The following RORA variants were observed in gnomAD, a reference collection of about 807,000 sequenced individuals.
RORA encodes nuclear receptor ROR-alpha.
In RORA, 7 loss-of-function variants were observed where a neutral mutation model predicts 69.5. The ratio of observed to expected loss-of-function variants is 0.10; its 90% CI spans 0.06 to 0.19. The LOEUF is 0.19. Among genes scored for constraint, RORA ranks in the 10% least tolerant of loss-of-function variants. The pLI, the probability that RORA is intolerant of heterozygous loss-of-function variation, is 1.00. For synonymous variants in RORA, 261 were observed against 240.8 expected, an observed-to-expected ratio of 1.08 and a Z score of -0.78; for missense variants, 457 against 663.0, an observed-to-expected ratio of 0.69 and a Z score of 3.41.
chr15:60,607,745 C>T (rs1180729779), intron 2 of RORA, among the ~76,000 whole-genome samples: 3 of 152,114 alleles, frequency 2.0e-5, no homozygotes, highest in Admixed American at 2.0e-4. Flanking sequence ...TTTATTTATA[C>T]ATCATTCTGT....
intron 1 of RORA, among the ~76,000 whole-genome samples, chr15:60,943,583 G>T (rs1267115714): frequency 3.4e-5 from 3 of 87,910 alleles, no homozygotes; most frequent in Non-Finnish European, 6.2e-5. Context: ...ATTCTCCAAG[G>T]ATGACATCTT....
chr15:61,193,170 C>T lies in RORA; in HGVS notation c.166+35883G>A, dbSNP rs571725571. 4.5e-4 allele frequency among the ~76,000 whole-genome samples: 68 copies of T among 152,298 alleles called. No homozygotes were observed. The Middle Eastern group carries it at 0.01, about 23-fold the overall frequency. On this transcript the variant is annotated intron_variant, in intron 1 of 10. Coordinates refer to ENST00000335670, the MANE Select transcript of RORA (RefSeq NM_134261.3). Reference sequence around the variant, plus strand: ...ATGATGCCAATTCCTACCCCTCACACTTTGTTTCTACCATCCTGAAATACT... The same window carrying T: ...ATGATGCCAATTCCTACCCCTCACATTTTGTTTCTACCATCCTGAAATACT...
intron 1 of RORA, among the ~76,000 whole-genome samples, chr15:60,772,250 G>A (rs1264201274): frequency 1.3e-5 from 2 of 151,370 alleles, no homozygotes; most frequent in African/African-American, 2.4e-5. Flanking sequence ...GATGTTCCCC[G>A]CTTTGTGTCC....
At chr15:60,821,882 G>A (rs1371274812) in intron 1 of RORA, among the ~76,000 whole-genome samples, 1 of 152,198 alleles carries the variant, frequency 6.6e-6, no homozygotes, top group African/African-American at 2.4e-5. Flanking sequence ...AAGTCACACA[G>A]CTAGCATGTG....
chr15:60,959,028 G>A (rs780493940), intron 1 of RORA, among the ~76,000 whole-genome samples: 3 of 152,138 alleles, frequency 2.0e-5, no homozygotes, highest in Admixed American at 6.5e-5. Flanking sequence ...TCTGAAAACT[G>A]CACACCTATT....
chr15:60,717,676 A>C (rs6494218), intron 1 of RORA, among the ~76,000 whole-genome samples: 151,895 of 152,202 alleles, frequency 1, 75,794 homozygotes, highest in Middle Eastern at 1. Flanking sequence ...GACAATAAAT[A>C]AAAAATACAG....
intron 1 of RORA, among the ~76,000 whole-genome samples, chr15:60,970,100 G>T (rs1195987867): frequency 6.6e-6 from 1 of 152,154 alleles, no homozygotes; most frequent in East Asian, 1.9e-4. Context: ...GCCAAAAGAG[G>T]CCTCAGAATG....
At chr15:60,875,779 G>A (rs757253159) in intron 1 of RORA, among the ~76,000 whole-genome samples, 1 of 152,128 alleles carries the variant, frequency 6.6e-6, no homozygotes, top group Non-Finnish European at 1.5e-5. Context: ...AGCCACGGTG[G>A]ATGAGAGAAG....
At chr15:60,957,456 G>A (rs1263588009) in intron 1 of RORA, among the ~76,000 whole-genome samples, 1 of 152,180 alleles carries the variant, frequency 6.6e-6, no homozygotes, top group African/African-American at 2.4e-5. Context: ...GTGACAACAC[G>A]TACCTCCTCA....
At chr15:61,044,528 T>A (rs1896933605) in intron 1 of RORA, among the ~76,000 whole-genome samples, 1 of 152,214 alleles carries the variant, frequency 6.6e-6, no homozygotes, top group African/African-American at 2.4e-5. Context: ...AATATCTCAA[T>A]TTTTTTACAT....
intron 2 of RORA, chr15:60,592,342 C>T: frequency 7.4e-7 from 1 of 1,351,342 alleles, no homozygotes; most frequent in African/African-American, 1.5e-5. Context: ...CCCCGCCCCC[C>T]GGAGCCGCCA....
chr15:60,819,761 A>ACACACACACACACACACGCG (rs1846266624), intron 1 of RORA, among the ~76,000 whole-genome samples: 1 of 138,034 alleles, frequency 7.2e-6, no homozygotes, highest in African/African-American at 2.6e-5. Context: ...ACACACACAC[A>ACACACACACACACACACGCG]CACACACACA....
At chr15:61,007,509 C>T (rs941021422) in intron 1 of RORA, among the ~76,000 whole-genome samples, 6 of 151,694 alleles carry the variant, frequency 4.0e-5, no homozygotes, top group East Asian at 1.9e-4. Context: ...ATGTTCAATA[C>T]GTTTGTGTTG....
intron 1 of RORA, among the ~76,000 whole-genome samples, chr15:61,060,630 C>T (rs1595932396): frequency 1.3e-5 from 2 of 152,150 alleles, no homozygotes; most frequent in Admixed American, 6.5e-5. Context: ...CTAGCTTTCT[C>T]ATGCCAAGGA....
intron 1 of RORA, among the ~76,000 whole-genome samples, chr15:61,014,429 T>C (rs1397941917): frequency 6.6e-6 from 1 of 152,220 alleles, no homozygotes; most frequent in African/African-American, 2.4e-5. Flanking sequence ...TGTGAGTCCG[T>C]CTATTAGGCA....
At chr15:61,082,320 C>G (rs1054222632) in intron 1 of RORA, among the ~76,000 whole-genome samples, 1 of 152,202 alleles carries the variant, frequency 6.6e-6, no homozygotes, top group Admixed American at 6.5e-5. Context: ...GAAGCCCCGT[C>G]TCTACTAACA....
intron 1 of RORA, among the ~76,000 whole-genome samples, chr15:60,888,131 G>A (rs2073771971): frequency 6.6e-6 from 1 of 152,128 alleles, no homozygotes; most frequent in Non-Finnish European, 1.5e-5. Flanking sequence ...TACATACCCG[G>A]CCACGGATGC....
chr15:60,699,513 A>G (rs1416441819), intron 1 of RORA, among the ~76,000 whole-genome samples: 1 of 152,216 alleles, frequency 6.6e-6, no homozygotes, highest in African/African-American at 2.4e-5. Flanking sequence ...TTAGAGCCAA[A>G]TTCTAGCCCA....
intron 2 of RORA, among the ~76,000 whole-genome samples, chr15:60,539,810 A>G (rs1312279529): frequency 6.6e-6 from 1 of 152,102 alleles, no homozygotes; most frequent in African/African-American, 2.4e-5. Context: ...GTTATGTGAT[A>G]TCAAGGGCTA....
Sources: gnomAD v4.1 joint callset for allele counts (sites outside exome capture counted in the v4.1 genomes callset) on GRCh38, gnomAD v4.1.1 for gene constraint, MANE v1.5 for transcripts, NCBI Gene and HGNC (gene_info 2026-07-23, HGNC 2026-07-21) for gene names.